The following ABCA12 variants were observed in gnomAD, a reference collection of about 807,000 sequenced individuals.
ABCA12 encodes the protein glucosylceramide transporter ABCA12.
ABCA12 carries 156 observed loss-of-function variants against 293.5 expected under a neutral mutation model. The observed-to-expected ratio is 0.53, with a 90% CI of 0.47 to 0.61. The LOEUF (loss-of-function observed/expected upper bound fraction) is 0.61. ABCA12 is among the 20% of genes least tolerant of loss of function. The pLI, the probability that ABCA12 is intolerant of heterozygous loss-of-function variation, is 0.00. For synonymous variants in ABCA12, 1,063 were observed against 1,108.0 expected (o/e 0.96, Z 0.81); for missense variants, 2,797 against 3,090.2 (o/e 0.91, Z 2.25).
chr2:215,130,606 C>T (rs1703032529), intron 1 of ABCA12, among the ~76,000 whole-genome samples: 1 of 151,982 alleles, frequency 6.6e-6, no homozygotes, highest in African/African-American at 2.4e-5. Flanking sequence ...AAGTCACTAA[C>T]CAGGCCTAGA....
chr2:214,935,821 T>G (rs1187048203), intron 51 of ABCA12, among the ~76,000 whole-genome samples: 1 of 152,132 alleles, frequency 6.6e-6, no homozygotes, highest in African/African-American at 2.4e-5. Context: ...TTTTAAGAAT[T>G]AAGAAAGCTA....
chr2:214,950,441 T>C (rs1310042406), intron 45 of ABCA12, among the ~76,000 whole-genome samples: 1 of 151,518 alleles, frequency 6.6e-6, no homozygotes, highest in Non-Finnish European at 1.5e-5. Flanking sequence ...CATGTGTGTA[T>C]ATTTTCCCAT....
chr2:215,130,305 G>T (rs1703026302), intron 1 of ABCA12, among the ~76,000 whole-genome samples: 1 of 151,840 alleles, frequency 6.6e-6, no homozygotes, highest in Non-Finnish European at 1.5e-5. Flanking sequence ...TCTATAGATT[G>T]CTTTGGGAAT....
At chr2:215,032,336 T>C in intron 8 of ABCA12, 1 of 208,734 alleles carries the variant, frequency 4.8e-6, no homozygotes, top group Non-Finnish European at 9.7e-6. Flanking sequence ...TCAGGAAACA[T>C]CTGCCATCAC....
At chr2:215,129,967 C>G (rs190672317) in intron 1 of ABCA12, among the ~76,000 whole-genome samples, 1 of 152,238 alleles carries the variant, frequency 6.6e-6, no homozygotes, top group East Asian at 1.9e-4. Flanking sequence ...TACCCAGCAC[C>G]ATTTATTGAA....
intron 52 of ABCA12, 28 bp downstream of exon 52, chr2:214,934,050 T>C (rs1698144978): frequency 1.2e-6 from 2 of 1,602,532 alleles, no homozygotes; most frequent in African/African-American, 2.7e-5. Context: ...TGTGACGTTG[T>C]GCACATGGAT....
intron 50 of ABCA12, among the ~76,000 whole-genome samples, chr2:214,939,157 G>T (rs1698315483): frequency 6.6e-6 from 1 of 152,076 alleles, no homozygotes; most frequent in South Asian, 2.1e-4. Context: ...TAAGGAAGGG[G>T]TCCAGTTTCG....
chr2:215,015,112 C>G (rs2106006586), intron 15 of ABCA12, among the ~76,000 whole-genome samples: 1 of 151,808 alleles, frequency 6.6e-6, no homozygotes, highest in South Asian at 2.1e-4. Flanking sequence ...TAAGAAACCC[C>G]TTTTTTCTAA....
intron 6 of ABCA12, 83 bp downstream of exon 6, chr2:215,049,543 C>G: frequency 7.4e-7 from 1 of 1,352,464 alleles, no homozygotes; most frequent in Non-Finnish European, 1.1e-6. Context: ...ATATCCCAGT[C>G]AGCATTTCCC....
Position 215,019,656 on chromosome 2 carries a change from C to A in ABCA12, c.1428G>T (p.Ala476=). The A allele has an allele frequency of 6.2e-7, 1 of 1,614,106 alleles. No individual in the cohort carries two copies. The highest frequency in any genetic ancestry group is 1.1e-5 in the South Asian group (1 of 91,078). Residue 476 remains alanine, a synonymous_variant, in exon 12 of 53, where the codon GCG becomes GCT. Transcript: ENST00000272895. ...ESEFDLQLLE[A]AELGTEIAAS... is the part of the protein sequence containing the mutation. ...CTGCTATTTCGGTGCCCAGCTCTGC[C>A]GCTTCGAGGAGTTGCAGATCAAACT...
chr2:214,948,510 G>A (rs1456675624), intron 47 of ABCA12, 86 bp downstream of exon 47: 1 of 1,430,504 alleles, frequency 7.0e-7, no homozygotes, highest in Non-Finnish European at 9.6e-7. Context: ...GGTGGGGCAG[G>A]GGGGACAGTG....
In ABCA12 at chr2:215,121,311, T is replaced by A. The variant is rs771719449; in HGVS notation, c.70-9621A>T. On this transcript the variant is annotated intron_variant, in intron 1 of 52. Transcript: ENST00000272895. ...ACTATACTTTTATTAATTGATTCTA[T>A]GAGAGCATTGAAAGTCATTTAAAGG... Among the ~76,000 whole-genome samples, 3 of 152,348 alleles carry A rather than the reference T, an allele frequency of 2.0e-5. 1 individual carries two copies. Among genetic ancestry groups the A allele is most frequent in the African/African-American group, 7.2e-5 (3 of 41,590 alleles).
At chr2:214,985,691 CA>C (rs113804640) in intron 28 of ABCA12, among the ~76,000 whole-genome samples, 3 of 151,130 alleles carry the variant, frequency 2.0e-5, no homozygotes, top group African/African-American at 4.9e-5. Context: ...CTTTTATTTA[CA>C]AAAAAAAATT....
intron 23 of ABCA12, among the ~76,000 whole-genome samples, chr2:214,991,543 G>C (rs1449012070): frequency 1.3e-5 from 2 of 152,024 alleles, no homozygotes; most frequent in Non-Finnish European, 2.9e-5. Context: ...GAGAGAAACA[G>C]TATACCTGAT....
chr2:215,042,754 A>G (rs112193956), intron 7 of ABCA12, among the ~76,000 whole-genome samples: 2 of 152,290 alleles, frequency 1.3e-5, no homozygotes, highest in African/African-American at 2.4e-5. Flanking sequence ...ATGGATTACT[A>G]TTAACTGCAA....
chr2:215,092,135 G>A (rs1042203194), intron 2 of ABCA12, among the ~76,000 whole-genome samples: 1 of 152,164 alleles, frequency 6.6e-6, no homozygotes, highest in African/African-American at 2.4e-5. Flanking sequence ...TTACAGTGGA[G>A]GGTAAGTCCG....
At position 215,015,743 on chromosome 2, in the gene ABCA12, C is replaced by T. The variant is rs981150242; in HGVS notation, c.1783-80G>A. 8.3e-5 allele frequency: 113 copies of T among 1,368,866 alleles called. 2 individuals are homozygous for T. Among genetic ancestry groups the T allele is most frequent in the South Asian group, 6.1e-4 (51 of 82,966 alleles). 84.8% of individuals were successfully genotyped at this position (1,368,866 alleles called of 1,614,324 possible). A position where few individuals can be genotyped will look rare whatever the true frequency, so the allele number is the denominator to read the frequency against. On this transcript the variant is annotated intron_variant, in intron 14 of 52. Transcript: ENST00000272895. ...TTCATTTTGTGAGGTTTTCTGTATA[C>T]TCTAAATTTTAAACTAAAACAAAAG...
At chr2:215,044,661 G>A (rs1340482624) in intron 7 of ABCA12, 1 of 152,092 alleles carries the variant, frequency 6.6e-6, no homozygotes, top group Non-Finnish European at 1.5e-5. Context: ...TTAAGTTTAG[G>A]TCCTGGCTTT....
intron 2 of ABCA12, among the ~76,000 whole-genome samples, chr2:215,109,799 T>C (rs1338072075): frequency 6.6e-6 from 1 of 152,164 alleles, no homozygotes; most frequent in African/African-American, 2.4e-5. Flanking sequence ...ACCTTATATT[T>C]CTCTCTTGGA....
Sources: allele counts gnomAD v4.1 joint callset (sites outside exome capture counted in the v4.1 genomes callset), GRCh38; gene constraint gnomAD v4.1.1; transcripts MANE v1.5; gene names NCBI Gene and HGNC (gene_info 2026-07-23, HGNC 2026-07-21).